The following STK3 variants were observed in gnomAD, a reference collection of about 807,000 sequenced individuals.
STK3 encodes the protein serine/threonine-protein kinase 3.
Under a neutral mutation model 58.0 loss-of-function variants are expected in STK3, and 41 were observed. The ratio of observed to expected loss-of-function variants is 0.71; its 90% CI spans 0.55 to 0.92. STK3 has a LOEUF of 0.92. Ranked by LOEUF, STK3 falls within the 40% of genes least tolerant of loss-of-function variation. STK3 has a pLI of 0.00. For synonymous variants in STK3, 170 were observed against 191.0 expected (o/e 0.89, Z 0.91); for missense variants, 479 against 602.7 (o/e 0.79, Z 2.15).
intron 10 of STK3, among the ~76,000 whole-genome samples, chr8:98,477,611 C>G (rs986754672): frequency 6.7e-6 from 1 of 149,528 alleles, no homozygotes; most frequent in African/African-American, 2.5e-5. Context: ...AGGGCCACCC[C>G]TGCAGCTCTG....
chr8:98,605,066 A>G (rs1213723047), intron 6 of STK3, among the ~76,000 whole-genome samples: 2 of 152,154 alleles, frequency 1.3e-5, no homozygotes, highest in African/African-American at 4.8e-5. Context: ...TTCATTGTCC[A>G]TATCACTATC....
At chr8:98,504,492 CTT>C (rs1213492341) in intron 10 of STK3, among the ~76,000 whole-genome samples, 1 of 152,174 alleles carries the variant, frequency 6.6e-6, no homozygotes, top group African/African-American at 2.4e-5. Flanking sequence ...CATTGACAGT[CTT>C]TACAATTTGG....
intron 3 of STK3, among the ~76,000 whole-genome samples, chr8:98,753,087 T>A (rs1473975665): frequency 6.6e-6 from 1 of 152,054 alleles, no homozygotes; most frequent in Non-Finnish European, 1.5e-5. Flanking sequence ...GAGACAGAAA[T>A]ACCATTCAAC....
chr8:98,396,660 C>T (rs1419866861), downstream of STK3, among the ~76,000 whole-genome samples: 1 of 152,222 alleles, frequency 6.6e-6, no homozygotes, highest in Non-Finnish European at 1.5e-5. Flanking sequence ...TGTCAAACTC[C>T]ACAGCCTCTA....
intron 10 of STK3, among the ~76,000 whole-genome samples, chr8:98,512,078 G>A (rs1000268408): frequency 7.9e-5 from 12 of 151,798 alleles, no homozygotes; most frequent in Non-Finnish European, 1.8e-4. Context: ...CCATTAACTC[G>A]TCATTTAACA....
chr8:98,547,713 A>T (rs372272614), intron 9 of STK3, among the ~76,000 whole-genome samples: 41 of 152,298 alleles, frequency 2.7e-4, no homozygotes, highest in Middle Eastern at 3.4e-3. Context: ...AATACTTTGC[A>T]AATTAAGCCG....
intron 4 of STK3, among the ~76,000 whole-genome samples, chr8:98,731,360 T>C (rs1361708327): frequency 6.6e-6 from 1 of 152,002 alleles, no homozygotes. Context: ...CCCATGTACA[T>C]GCAGATTACA....
chr8:98,901,763 G>A (rs542590351), intron 1 of STK3, among the ~76,000 whole-genome samples: 16 of 152,322 alleles, frequency 1.1e-4, no homozygotes, highest in African/African-American at 3.6e-4. Flanking sequence ...TCTGTGTTCC[G>A]TGAGAGCTTC....
At chr8:98,351,642 A>G in the STK3 span, among the ~76,000 whole-genome samples, 14 of 152,256 alleles carry the variant, frequency 9.2e-5, no homozygotes, top group African/African-American at 1.9e-4. Flanking sequence ...GACTATATAC[A>G]TGTATTCCCT....
intron 9 of STK3, among the ~76,000 whole-genome samples, chr8:98,538,983 G>C (rs1285422906): frequency 3.3e-5 from 5 of 152,208 alleles, no homozygotes; most frequent in African/African-American, 1.2e-4. Flanking sequence ...CCAGCTGCAA[G>C]AGGGACCTGT....
chr8:98,485,098 A>G (rs528111293), intron 10 of STK3, among the ~76,000 whole-genome samples: 9 of 152,206 alleles, frequency 5.9e-5, no homozygotes, highest in Non-Finnish European at 1.3e-4. Flanking sequence ...AAAATTAGCC[A>G]GGCGTGGTGG....
At chr8:98,927,438 C>T (rs141075795) in intron 1 of STK3, among the ~76,000 whole-genome samples, 45 of 152,322 alleles carry the variant, frequency 3.0e-4, no homozygotes, top group African/African-American at 9.4e-4. Flanking sequence ...TCCAGAGATA[C>T]GCATATGGCA....
intron 8 of STK3, among the ~76,000 whole-genome samples, chr8:98,570,205 T>G (rs1672157884): frequency 2.0e-5 from 3 of 151,606 alleles, no homozygotes; most frequent in Non-Finnish European, 4.4e-5. Context: ...CATGGCTCAC[T>G]GCAGCCTCAA....
chr8:98,622,209 C>T (rs1243915587), intron 6 of STK3, among the ~76,000 whole-genome samples: 1 of 150,976 alleles, frequency 6.6e-6, no homozygotes, highest in Non-Finnish European at 1.5e-5. Context: ...GCAGATGTTG[C>T]AGTGAGCTGA....
intron 6 of STK3, among the ~76,000 whole-genome samples, chr8:98,634,799 C>T (rs928742631): frequency 6.6e-6 from 1 of 152,090 alleles, no homozygotes; most frequent in African/African-American, 2.4e-5. Flanking sequence ...TGTCTTAACC[C>T]TTTCTTTCAG....
chr8:98,462,691 A>G (rs1420388392), intron 10 of STK3, among the ~76,000 whole-genome samples: 3 of 152,254 alleles, frequency 2.0e-5, no homozygotes, highest in African/African-American at 7.2e-5. Flanking sequence ...GACCAAGCAT[A>G]GTAGAATGAA....
intron 1 of STK3, among the ~76,000 whole-genome samples, chr8:98,931,694 T>C (rs1256278565): frequency 1.3e-5 from 2 of 152,176 alleles, no homozygotes; most frequent in African/African-American, 4.8e-5. Context: ...AATCATTGCC[T>C]TGTAAGAAAG....
Position 98,742,051 on chromosome 8 carries a change from T to C in STK3, c.351+7225A>G, listed in dbSNP as rs1203111896. Among the ~76,000 whole-genome samples, 5 of 152,048 alleles carry C rather than the reference T, an allele frequency of 3.3e-5. 1 individual carries two copies. Among genetic ancestry groups the C allele is most frequent in the Admixed American group, 2.0e-4 (3 of 15,278 alleles). ...ACCAGGAAGAAGTTGAATCTCTGAA[T>C]AGAACAATAACAGGCTCTGAAATTG... On this transcript the variant is annotated intron_variant, in intron 4 of 10. Coordinates refer to ENST00000419617, the MANE Select transcript of STK3 (RefSeq NM_006281.4).
the STK3 span, among the ~76,000 whole-genome samples, chr8:98,359,344 T>TAAAA: frequency 3.1e-3 from 172 of 55,712 alleles, 9 homozygotes; most frequent in Non-Finnish European, 4.3e-3. Context: ...CCATCTCAAC[T>TAAAA]AAAAAAAAAA....
Sources: gnomAD v4.1 joint callset for allele counts (sites outside exome capture counted in the v4.1 genomes callset) on GRCh38, gnomAD v4.1.1 for gene constraint, MANE v1.5 for transcripts, NCBI Gene and HGNC (gene_info 2026-07-23, HGNC 2026-07-21) for gene names.